GPC5: variants seen among roughly 807,000 people sequenced by gnomAD.
GPC5 encodes glypican-5.
Under a neutral mutation model 53.9 loss-of-function variants are expected in GPC5, and 47 were observed. The observed-to-expected ratio is 0.87, with a 90% CI of 0.69 to 1.11. The LOEUF (loss-of-function observed/expected upper bound fraction) is 1.11, where lower values mean the gene tolerates loss of function less well. GPC5 is among the 50% of genes most tolerant of loss of function. The pLI is 0.00. For missense variants in GPC5, 748 were observed against 713.1 expected (o/e 1.05, Z -0.56); for synonymous variants, 286 against 263.3 (o/e 1.09, Z -0.84).
At chr13:91,634,133 T>C (rs539915016) in intron 2 of GPC5, among the ~76,000 whole-genome samples, 1 of 152,266 alleles carries the variant, frequency 6.6e-6, no homozygotes, top group African/African-American at 2.4e-5. Context: ...CTGATATTTC[T>C]TGATAGTGTG....
intron 6 of GPC5, among the ~76,000 whole-genome samples, chr13:92,089,721 A>G (rs1183441149): frequency 6.6e-6 from 1 of 152,178 alleles, no homozygotes; most frequent in Non-Finnish European, 1.5e-5. Flanking sequence ...ATTAATTATT[A>G]CTTTAACTAT....
intron 6 of GPC5, among the ~76,000 whole-genome samples, chr13:91,940,499 G>A (rs1006614466): frequency 2.0e-5 from 3 of 151,998 alleles, no homozygotes; most frequent in Non-Finnish European, 2.9e-5. Context: ...TTTTCTTTTG[G>A]TTGTATACCT....
At chr13:92,794,487 C>T (rs1032186575) in intron 7 of GPC5, among the ~76,000 whole-genome samples, 1 of 152,040 alleles carries the variant, frequency 6.6e-6, no homozygotes, top group South Asian at 2.1e-4. Context: ...ACAAGGATGC[C>T]CTCTCTCACC....
chr13:91,664,559 T>C (rs1255236703), intron 2 of GPC5, among the ~76,000 whole-genome samples: 1 of 152,254 alleles, frequency 6.6e-6, no homozygotes, highest in Non-Finnish European at 1.5e-5. Context: ...AAATACTAAA[T>C]GATGGCGTTT....
chr13:92,116,002 G>A (rs558559659), intron 6 of GPC5, among the ~76,000 whole-genome samples: 2 of 152,148 alleles, frequency 1.3e-5, no homozygotes, highest in Non-Finnish European at 2.9e-5. Context: ...TGTAATCCTA[G>A]CACTTTGGGA....
chr13:92,646,643 C>A (rs9523750), intron 7 of GPC5, among the ~76,000 whole-genome samples: 84,585 of 151,692 alleles, frequency 0.56, 27,432 homozygotes, highest in Non-Finnish European at 0.75. Flanking sequence ...TTATTCCATA[C>A]ACATAGTATA....
chr13:92,578,652 C>G (rs1883264180), intron 7 of GPC5, among the ~76,000 whole-genome samples: 1 of 152,162 alleles, frequency 6.6e-6, no homozygotes, highest in Non-Finnish European at 1.5e-5. Context: ...TTTGTTCTAT[C>G]TAGTTCCTAC....
At chr13:92,086,200 T>A (rs1044508757) in intron 6 of GPC5, among the ~76,000 whole-genome samples, 16 of 152,176 alleles carry the variant, frequency 1.1e-4, no homozygotes, top group Admixed American at 9.2e-4. Context: ...CTTCACCACC[T>A]CCTTGAGATT....
intron 7 of GPC5, among the ~76,000 whole-genome samples, chr13:92,825,470 A>G (rs960772204): frequency 5.3e-5 from 8 of 152,170 alleles, no homozygotes; most frequent in African/African-American, 1.7e-4. Context: ...GGTCACTTTC[A>G]TAAGTCCAGG....
intron 7 of GPC5, among the ~76,000 whole-genome samples, chr13:92,180,282 G>T (rs953545162): frequency 5.3e-5 from 8 of 152,132 alleles, no homozygotes; most frequent in Non-Finnish European, 1.2e-4. Context: ...CAATTGTTGG[G>T]TTTCTGCACA....
At chr13:91,441,447 G>A (rs1222934179) in intron 1 of GPC5, among the ~76,000 whole-genome samples, 1 of 152,158 alleles carries the variant, frequency 6.6e-6, no homozygotes, top group African/African-American at 2.4e-5. Flanking sequence ...TCTTTATATT[G>A]CAGGTGACTG....
At chr13:92,746,364 G>T (rs993658668) in intron 7 of GPC5, among the ~76,000 whole-genome samples, 1 of 152,088 alleles carries the variant, frequency 6.6e-6, no homozygotes, top group African/African-American at 2.4e-5. Flanking sequence ...ATAAGGAAAG[G>T]TTTTTGGAAA....
intron 2 of GPC5, among the ~76,000 whole-genome samples, chr13:91,667,404 A>G (rs1369921545): frequency 1.3e-5 from 2 of 152,186 alleles, no homozygotes; most frequent in Non-Finnish European, 1.5e-5. Context: ...AATTTAAGCT[A>G]AAACTATAGT....
chr13:92,346,369 C>G (rs936922608), intron 7 of GPC5, among the ~76,000 whole-genome samples: 9 of 152,136 alleles, frequency 5.9e-5, no homozygotes, highest in African/African-American at 2.2e-4. Context: ...AGTATCCAGC[C>G]AGCAGCTCTT....
In GPC5 at chr13:91,960,268, A is replaced by G. The variant is rs144780384; in HGVS notation, c.1401+52211A>G. ...AAATAAATATGCAAAAATCAGTGGC[A>G]TACCTATGTATCAATAATGAACTAA... On this transcript the variant is annotated intron_variant, in intron 6 of 7. Transcript: ENST00000377067. Among the ~76,000 whole-genome samples, 843 of 152,128 alleles carry G rather than the reference A, an allele frequency of 5.5e-3. 8 individuals carry two copies. Among genetic ancestry groups the G allele is most frequent in the African/African-American group, 0.02 (818 of 41,570 alleles).
chr13:91,546,235 T>C (rs1486366332), intron 2 of GPC5, among the ~76,000 whole-genome samples: 1 of 152,130 alleles, frequency 6.6e-6, no homozygotes, highest in South Asian at 2.1e-4. Flanking sequence ...ATATTTACTT[T>C]TGAAAACTGT....
intron 7 of GPC5, among the ~76,000 whole-genome samples, chr13:92,331,091 A>T (rs1229024918): frequency 6.6e-6 from 1 of 152,136 alleles, no homozygotes. Flanking sequence ...AAATATGTTA[A>T]TAAGGATCGG....
intron 2 of GPC5, among the ~76,000 whole-genome samples, chr13:91,558,649 G>A (rs951881120): frequency 6.6e-6 from 1 of 152,258 alleles, no homozygotes; most frequent in South Asian, 2.1e-4. Flanking sequence ...ACCATTGCAA[G>A]TAGCTTCCTA....
chr13:92,511,262 A>G (rs2138952455), intron 7 of GPC5, among the ~76,000 whole-genome samples: 1 of 152,248 alleles, frequency 6.6e-6, no homozygotes, highest in South Asian at 2.1e-4. Context: ...CCATAGCTGT[A>G]TTGGCTCTCA....
Sources: allele counts gnomAD v4.1 joint callset (sites outside exome capture counted in the v4.1 genomes callset), GRCh38; gene constraint gnomAD v4.1.1; transcripts MANE v1.5; gene names NCBI Gene and HGNC (gene_info 2026-07-23, HGNC 2026-07-21).